Variants in ZYG11B observed in about 807,000 individuals in gnomAD.
The protein encoded by ZYG11B is protein zyg-11 homolog B.
ZYG11B carries 36 observed loss-of-function variants against 82.4 expected under a neutral mutation model. The observed-to-expected ratio is 0.44, with a 90% confidence interval of 0.33 to 0.58. The LOEUF is 0.58. Ranked by LOEUF, ZYG11B falls within the 20% of genes least tolerant of loss-of-function variation. The probability of loss-of-function intolerance (pLI) is 0.02; values close to 1 mark genes in which losing one functional copy is unlikely to be tolerated. For missense variants in ZYG11B, 552 were observed against 895.6 expected, an observed-to-expected ratio of 0.62 and a Z score of 4.90; for synonymous variants, 303 against 312.8, an observed-to-expected ratio of 0.97 and a Z score of 0.33.
chr1:52,783,902 G>GTGTATGTACATACACGTGTGTT (rs1644886365), intron 4 of ZYG11B, among the ~76,000 whole-genome samples: 2 of 44,460 alleles, frequency 4.5e-5, no homozygotes, highest in Non-Finnish European at 7.1e-5. Context: ...ACACGTGTGT[G>GTGTATGTACATACACGTGTGTT]TATATACATC....
intron 12 of ZYG11B, among the ~76,000 whole-genome samples, chr1:52,814,280 CT>C (rs1189707074): frequency 6.6e-6 from 1 of 152,206 alleles, no homozygotes; most frequent in Non-Finnish European, 1.5e-5. Context: ...CTGGGCCCCC[CT>C]AAGTGCTGGG....
chr1:52,778,755 A>G (rs1448272568), intron 3 of ZYG11B, among the ~76,000 whole-genome samples: 3 of 152,186 alleles, frequency 2.0e-5, no homozygotes, highest in Non-Finnish European at 4.4e-5. Context: ...CACCTGAACT[A>G]CATTTTAAGA....
chr1:52,796,337 G>A lies in ZYG11B; in HGVS notation c.1380G>A (p.Glu460=). ...TCATGCAGTGGCTTTGCAACCATGAGGATCAAAACATGCAAAGGATGGCAG... is the reference window on the plus strand; with the variant it reads ...TCATGCAGTGGCTTTGCAACCATGAAGATCAAAACATGCAAAGGATGGCAG... ...KLVMQWLCNH[E]DQNMQRMAVA... Residue 460 remains glutamate, a synonymous_variant, in exon 7 of 14, where the codon GAG becomes GAA. Coordinates refer to ENST00000294353, the MANE Select transcript of ZYG11B (RefSeq NM_024646.3). 1.2e-6 allele frequency: 2 copies of A among 1,613,858 alleles called. No homozygotes were observed. The highest frequency in any genetic ancestry group is 1.7e-6 in the Non-Finnish European group (2 of 1,179,882).
intron 1 of ZYG11B, among the ~76,000 whole-genome samples, chr1:52,730,577 C>T (rs962075739): frequency 1.3e-5 from 2 of 152,184 alleles, no homozygotes; most frequent in Non-Finnish European, 2.9e-5. Flanking sequence ...GATCTTCCCG[C>T]TTTGGCCTCC....
Position 52,776,229 on chromosome 1 carries a change from A to AAAATATATATATATATATATATAT in ZYG11B, c.952-3623_952-3622insAATATATATATATATATATATATA. ...AGCAAAACTCTGTCTTAAAAAAAAAAATATATATATATATATGCAATAAAG... is the reference window on the plus strand; with the variant it reads ...AGCAAAACTCTGTCTTAAAAAAAAAAAAATATATATATATATATATATATATATATATATATATATGCAATAAAG... On this transcript the variant is annotated intron_variant, in intron 3 of 13. Transcript: ENST00000294353. Among the ~76,000 whole-genome samples, 57 of 23,530 alleles carry AAAATATATATATATATATATATAT rather than the reference A, an allele frequency of 2.4e-3. 3 individuals are homozygous for AAAATATATATATATATATATATAT. Among genetic ancestry groups the AAAATATATATATATATATATATAT allele is most frequent in the Non-Finnish European group, 5.2e-3 (45 of 8,650 alleles). 15.4% of individuals were successfully genotyped at this position (23,530 alleles called of 152,430 possible). A position where few individuals can be genotyped will look rare whatever the true frequency, so the allele number is the denominator to read the frequency against.
At chr1:52,763,767 G>C (rs1489122532) in intron 2 of ZYG11B, among the ~76,000 whole-genome samples, 2 of 152,182 alleles carry the variant, frequency 1.3e-5, no homozygotes, top group Admixed American at 1.3e-4. Context: ...AGAAATCAGA[G>C]TGAGAATTTT....
intron 10 of ZYG11B, among the ~76,000 whole-genome samples, chr1:52,802,340 C>CTTTTTT (rs397980205): frequency 6.4e-5 from 5 of 78,072 alleles, no homozygotes; most frequent in Non-Finnish European, 1.2e-4. Context: ...TTCTTTCTCT[C>CTTTTTT]TTTTTTTTTT....
chr1:52,800,488 T>C lies in ZYG11B; in HGVS notation c.1486-1331T>C, dbSNP rs890842573. On this transcript the variant is annotated intron_variant, in intron 8 of 13. Coordinates refer to ENST00000294353, the MANE Select transcript of ZYG11B (RefSeq NM_024646.3). ...AGGTTTTTTAGGAAATCTACTCATATGCTTTGGGAGGAAATCGAGCTTAAA... is the reference window on the plus strand; with the variant it reads ...AGGTTTTTTAGGAAATCTACTCATACGCTTTGGGAGGAAATCGAGCTTAAA... 3.3e-5 allele frequency among the ~76,000 whole-genome samples: 5 copies of C among 152,106 alleles called. 1 individual carries two copies. The highest frequency in any genetic ancestry group is 4.8e-5 in the African/African-American group (2 of 41,442).
chr1:52,757,583 G>A (rs557720772), intron 2 of ZYG11B, among the ~76,000 whole-genome samples: 295 of 152,144 alleles, frequency 1.9e-3, no homozygotes, highest in Non-Finnish European at 3.6e-3. Context: ...GGTGAGACAG[G>A]AGAATCGCTT....
intron 2 of ZYG11B, among the ~76,000 whole-genome samples, chr1:52,768,272 G>A (rs1644715591): frequency 6.6e-6 from 1 of 152,044 alleles, no homozygotes; most frequent in Admixed American, 6.6e-5. Context: ...TTCAACTTTA[G>A]ATCTGGGATA....
chr1:52,802,597 T>C (rs1438572724), intron 10 of ZYG11B, among the ~76,000 whole-genome samples: 1 of 151,538 alleles, frequency 6.6e-6, no homozygotes, highest in Non-Finnish European at 1.5e-5. Flanking sequence ...GCAATCCTCC[T>C]ACCTCGGCCT....
chr1:52,816,436 A>G (rs1032661731), intron 12 of ZYG11B, 96 bp from the exon 13 acceptor site: 1 of 796,002 alleles, frequency 1.3e-6, no homozygotes, highest in Non-Finnish European at 2.1e-6. Context: ...ATATAATAGG[A>G]TAAAATTTTG....
At chr1:52,802,236 A>T in intron 10 of ZYG11B, 97 bp downstream of exon 10, 1 of 1,181,918 alleles carries the variant, frequency 8.5e-7, no homozygotes. Flanking sequence ...GCAGTATCAT[A>T]GCCCCTTATC....
chr1:52,799,283 C>G (rs550152932), intron 8 of ZYG11B, among the ~76,000 whole-genome samples: 4 of 151,800 alleles, frequency 2.6e-5, no homozygotes, highest in South Asian at 2.1e-4. Flanking sequence ...GTCAGGAGAT[C>G]GAGACCATCC....
At chr1:52,796,706 A>T (rs1394450557) in intron 7 of ZYG11B, 28 bp from the exon 8 acceptor site, 4 of 1,584,928 alleles carry the variant, frequency 2.5e-6, no homozygotes, top group Admixed American at 1.8e-5. Flanking sequence ...GTTCTTGGAC[A>T]TTGAATTTGT....
intron 10 of ZYG11B, among the ~76,000 whole-genome samples, chr1:52,804,790 T>C (rs1645127606): frequency 2.0e-5 from 3 of 151,864 alleles, no homozygotes; most frequent in African/African-American, 7.3e-5. Context: ...ATTTTATTTT[T>C]TATTTTTGAA....
intron 3 of ZYG11B, among the ~76,000 whole-genome samples, chr1:52,773,724 C>A (rs765702979): frequency 1.0e-4 from 14 of 134,778 alleles, no homozygotes; most frequent in Non-Finnish European, 2.0e-4. Context: ...CTCACTACAA[C>A]CTCTGCTTCC....
In ZYG11B at chr1:52,813,722, C is replaced by T. The variant is rs1314034878; in HGVS notation, c.1882C>T (p.Leu628=). ...TLSRSQRNSL[L]DDLHSAILKW... ...GAGTCGTAGCCAGAGGAATTCTCTG[C>T]TGGATGATTTGGTAGGGTCATTCCA... The change falls in exon 11 of 14, where the codon CTG becomes TTG. Residue 628 remains leucine (L), a synonymous_variant. Transcript: ENST00000294353. 1.9e-6 allele frequency: 3 copies of T among 1,614,070 alleles called. No individual in the cohort carries two copies. Among genetic ancestry groups the T allele is most frequent in the Non-Finnish European group, 2.5e-6 (3 of 1,180,020 alleles).
intron 3 of ZYG11B, among the ~76,000 whole-genome samples, chr1:52,778,891 A>T (rs1296419099): frequency 1.3e-5 from 2 of 152,190 alleles, no homozygotes; most frequent in African/African-American, 4.8e-5. Flanking sequence ...TGATACATTT[A>T]TTTGATGAAT....
Sources: allele counts gnomAD v4.1 joint callset (sites outside exome capture counted in the v4.1 genomes callset), GRCh38; gene constraint gnomAD v4.1.1; transcripts MANE v1.5; gene names NCBI Gene and HGNC (gene_info 2026-07-23, HGNC 2026-07-21).